PRKCI: variants seen among roughly 807,000 people sequenced by gnomAD.
PRKCI encodes the protein protein kinase C iota type.
A neutral mutation model predicts 84.0 loss-of-function variants in PRKCI; 43 were observed. The ratio of observed to expected loss-of-function variants is 0.51; its 90% confidence interval spans 0.40 to 0.66. PRKCI has a LOEUF of 0.66. Ranked by LOEUF, PRKCI falls within the 30% of genes least tolerant of loss-of-function variation. The pLI is 0.00. For synonymous variants in PRKCI, 216 were observed against 234.4 expected, an observed-to-expected ratio of 0.92 and a Z score of 0.72; for missense variants, 459 against 745.6, an observed-to-expected ratio of 0.62 and a Z score of 4.48.
At chr3:170,258,043 G>C (rs1028620159) in intron 2 of PRKCI, among the ~76,000 whole-genome samples, 3 of 152,026 alleles carry the variant, frequency 2.0e-5, no homozygotes, top group Non-Finnish European at 4.4e-5. Context: ...GAAAAAAATG[G>C]AACAGAGGAG....
At chr3:170,227,753 T>C (rs1732670688) in intron 1 of PRKCI, among the ~76,000 whole-genome samples, 1 of 152,236 alleles carries the variant, frequency 6.6e-6, no homozygotes, top group South Asian at 2.1e-4. Context: ...GAGTTTAGAC[T>C]TTTTCTCATT....
intron 13 of PRKCI, among the ~76,000 whole-genome samples, 154 bp downstream of exon 13, chr3:170,292,095 CTT>C (rs925890753): frequency 3.3e-5 from 5 of 152,146 alleles, no homozygotes; most frequent in African/African-American, 1.2e-4. Flanking sequence ...GAGTCCCAGA[CTT>C]TGAAATCGAG....
intron 8 of PRKCI, among the ~76,000 whole-genome samples, chr3:170,279,657 G>A (rs1734198430): frequency 6.6e-6 from 1 of 152,110 alleles, no homozygotes; most frequent in African/African-American, 2.4e-5. Context: ...TCTTCCATTC[G>A]CTGAACTACT....
chr3:170,255,973 A>C (rs1293411570), intron 2 of PRKCI, among the ~76,000 whole-genome samples: 3 of 152,162 alleles, frequency 2.0e-5, no homozygotes, highest in Non-Finnish European at 4.4e-5. Context: ...ATCATGTGAT[A>C]TATCACGTTG....
At chr3:170,302,336 G>A (rs1734842299) in intron 17 of PRKCI, among the ~76,000 whole-genome samples, 1 of 152,140 alleles carries the variant, frequency 6.6e-6, no homozygotes, top group South Asian at 2.1e-4. Context: ...TTAGAACCAT[G>A]GTTAGAACAG....
chr3:170,245,949 G>GTTTTTTTTTTTTGTTTGTTTGT (rs1733266404), intron 2 of PRKCI, among the ~76,000 whole-genome samples: 6 of 82,460 alleles, frequency 7.3e-5, no homozygotes, highest in African/African-American at 2.9e-4. Flanking sequence ...TTATGTCTTT[G>GTTTTTTTTTTTTGTTTGTTTGT]TTTTTTTTTT....
At chr3:170,254,557 G>C (rs1185617777) in intron 2 of PRKCI, among the ~76,000 whole-genome samples, 1 of 150,742 alleles carries the variant, frequency 6.6e-6, no homozygotes, top group Non-Finnish European at 1.5e-5. Flanking sequence ...ACTATTTATT[G>C]ACAGTCTTAT....
intron 4 of PRKCI, among the ~76,000 whole-genome samples, chr3:170,266,181 G>T (rs747293037): frequency 6.6e-6 from 1 of 152,080 alleles, no homozygotes; most frequent in Non-Finnish European, 1.5e-5. Context: ...AGATTTGATC[G>T]TTTGGAACCT....
chr3:170,284,581 C>T lies in PRKCI; in HGVS notation c.1188C>T (p.Asp396=). The part of the protein sequence containing the change: ...LDSEGHIKLT[D]YGMCKEGLRP... The stretch of plus-strand genomic sequence containing the variant: ...CTGAAGGCCACATTAAACTCACTGA[C>T]TACGGCATGTGTAAGGTGAGGAAAA... Residue 396 remains aspartate, a synonymous_variant, in exon 12 of 18, where the codon GAC becomes GAT. Transcript: ENST00000295797. 4 of 1,612,200 alleles carry T rather than the reference C, an allele frequency of 2.5e-6. No individual in the cohort carries two copies. The highest frequency in any genetic ancestry group is 2.2e-5 in the East Asian group (1 of 44,772).
At chr3:170,277,693 CAA>C (rs113442053) in intron 8 of PRKCI, among the ~76,000 whole-genome samples, 22 of 79,226 alleles carry the variant, frequency 2.8e-4, no homozygotes, top group Admixed American at 7.9e-4. Context: ...GACTCCGTCT[CAA>C]AAAAAAAAAA....
In PRKCI at chr3:170,235,370, G is replaced by C. The variant is rs375903539; in HGVS notation, c.223+19G>C. 5.6e-5 allele frequency: 91 copies of C among 1,612,066 alleles called. 1 individual carries two copies. Among genetic ancestry groups the C allele is most frequent in the African/African-American group, 8.0e-5 (6 of 74,826 alleles). ...GAGGAAGGTGAGTGGTAAAGACAGG[G>C]CTGCCTGTGTAAGCATTTTAAGATC... On this transcript the variant is annotated intron_variant, in intron 2 of 17. Coordinates refer to ENST00000295797, the MANE Select transcript of PRKCI (RefSeq NM_002740.6).
chr3:170,292,027 C>T, intron 13 of PRKCI, 86 bp downstream of exon 13: 2 of 892,448 alleles, frequency 2.2e-6, no homozygotes, highest in Non-Finnish European at 3.7e-6. Context: ...TACACTAATG[C>T]ATTTTGACGT....
chr3:170,257,544 C>A (rs1201781590), intron 2 of PRKCI, among the ~76,000 whole-genome samples: 4 of 151,946 alleles, frequency 2.6e-5, no homozygotes, highest in Non-Finnish European at 4.4e-5. Context: ...TGAAAAAAAA[C>A]CCTGCCCCTT....
At chr3:170,289,802 C>T (rs1033969557) in intron 12 of PRKCI, among the ~76,000 whole-genome samples, 19 of 152,062 alleles carry the variant, frequency 1.2e-4, no homozygotes, top group African/African-American at 4.6e-4. Flanking sequence ...ATCCCAGCTA[C>T]TTGGGAGGCT....
In PRKCI at chr3:170,236,285, G is replaced by C. The variant is rs1235175105; in HGVS notation, c.223+934G>C. Among the ~76,000 whole-genome samples the C allele has an allele frequency of 3.4e-5, 5 of 147,936 alleles. No individual in the cohort carries two copies. The East Asian group carries it at 1.0e-3, about 31-fold the overall frequency. On this transcript the variant is annotated intron_variant, in intron 2 of 17. Coordinates refer to ENST00000295797, the MANE Select transcript of PRKCI (RefSeq NM_002740.6). The stretch of plus-strand genomic sequence containing the variant: ...CCAGATAATTTTTGTATTTGTAGTA[G>C]AGACGGGGTTTTGCCGTGTTGCCCA...
chr3:170,288,106 C>T (rs984314507), intron 12 of PRKCI, among the ~76,000 whole-genome samples: 16 of 151,342 alleles, frequency 1.1e-4, no homozygotes, highest in Non-Finnish European at 1.0e-4. Context: ...ATTAGCCAGG[C>T]GTGGTGGCGG....
intron 8 of PRKCI, among the ~76,000 whole-genome samples, chr3:170,279,122 G>A (rs1177645138): frequency 6.6e-6 from 1 of 152,166 alleles, no homozygotes; most frequent in Non-Finnish European, 1.5e-5. Context: ...TGACCTGCCT[G>A]GCTCAGGTGA....
At chr3:170,291,753 T>G in intron 12 of PRKCI, 101 bp from the exon 13 acceptor site, 1 of 821,812 alleles carries the variant, frequency 1.2e-6, no homozygotes, top group Non-Finnish European at 2.1e-6. Context: ...GCTTAATGTA[T>G]CACTGCAGAT....
chr3:170,231,142 G>C (rs1017178189), intron 1 of PRKCI, among the ~76,000 whole-genome samples: 4 of 151,590 alleles, frequency 2.6e-5, no homozygotes, highest in Admixed American at 2.0e-4. Context: ...TGTATTTTTA[G>C]TGAAAATGGG....
Sources: gnomAD v4.1 joint callset for allele counts (sites outside exome capture counted in the v4.1 genomes callset) on GRCh38, gnomAD v4.1.1 for gene constraint, MANE v1.5 for transcripts, NCBI Gene and HGNC (gene_info 2026-07-23, HGNC 2026-07-21) for gene names.